The following TRPC4 variants were observed in gnomAD, a reference collection of about 807,000 sequenced individuals.
The protein encoded by TRPC4 is short transient receptor potential channel 4.
Under a neutral mutation model 99.4 loss-of-function variants are expected in TRPC4, and 49 were observed. The ratio of observed to expected loss-of-function variants is 0.49; its 90% CI spans 0.39 to 0.63. TRPC4 has a LOEUF of 0.63. Ranked by LOEUF, TRPC4 falls within the 20% of genes least tolerant of loss-of-function variation. The pLI is 0.00. For synonymous variants in TRPC4, 454 were observed against 425.9 expected (o/e 1.07, Z -0.81); for missense variants, 898 against 1,152.9 (o/e 0.78, Z 3.20).
chr13:37,833,548 G>T (rs1310322833), intron 1 of TRPC4, among the ~76,000 whole-genome samples: 3 of 152,194 alleles, frequency 2.0e-5, no homozygotes, highest in Non-Finnish European at 4.4e-5. Flanking sequence ...CAAAGAGACA[G>T]ACTGTGCTTC....
intron 4 of TRPC4, among the ~76,000 whole-genome samples, 176 bp from the exon 5 acceptor site, chr13:37,674,543 C>A (rs951858808): frequency 6.6e-6 from 1 of 152,194 alleles, no homozygotes; most frequent in African/African-American, 2.4e-5. Flanking sequence ...TTAAGACTTT[C>A]AGATACTAAG....
chr13:37,790,839 G>A (rs1027205382), intron 1 of TRPC4, among the ~76,000 whole-genome samples: 3 of 152,192 alleles, frequency 2.0e-5, no homozygotes, highest in African/African-American at 7.2e-5. Context: ...TGCTTTAGTA[G>A]GAGTTTGTAT....
At chr13:37,844,734 C>A (rs1435795240) in intron 1 of TRPC4, among the ~76,000 whole-genome samples, 1 of 152,116 alleles carries the variant, frequency 6.6e-6, no homozygotes, top group Admixed American at 6.6e-5. Flanking sequence ...TGCCAAAAAC[C>A]AGCAACTGCA....
chr13:37,797,838 A>T (rs1049928872), intron 1 of TRPC4, among the ~76,000 whole-genome samples: 17 of 152,194 alleles, frequency 1.1e-4, no homozygotes, highest in African/African-American at 3.9e-4. Context: ...TTATTTTCCA[A>T]GTTTATGATG....
At chr13:37,683,882 T>G (rs552193780) in intron 4 of TRPC4, among the ~76,000 whole-genome samples, 68 of 152,178 alleles carry the variant, frequency 4.5e-4, no homozygotes, top group African/African-American at 1.5e-3. Context: ...AAAATTTGAG[T>G]TTTAAACTGA....
rs1555265738 is a variant in TRPC4, at chr13:37,745,459, T to TATGC, written c.897+477_897+478insGCAT. On this transcript the variant is annotated intron_variant, in intron 3 of 10. Transcript: ENST00000379705. ...GCGTATATATATATATATATATATA[T>TATGC]ATATATATATATATACACACACACA... Among the ~76,000 whole-genome samples the TATGC allele has an allele frequency of 4.0e-4, 35 of 86,840 alleles. 1 individual carries two copies. The highest frequency in any genetic ancestry group is 2.7e-3 in the African/African-American group (31 of 11,694). 57.0% of individuals were successfully genotyped at this position (86,840 alleles called of 152,430 possible).
chr13:37,657,742 A>G (rs1462413673), intron 6 of TRPC4, among the ~76,000 whole-genome samples: 1 of 152,196 alleles, frequency 6.6e-6, no homozygotes, highest in Non-Finnish European at 1.5e-5. Context: ...CTGTCTACAT[A>G]GTAACTACTA....
rs1399325036 is a variant in TRPC4 at position 37,744,304 on chromosome 13, C to T, written c.897+1633G>A. 2.6e-5 allele frequency among the ~76,000 whole-genome samples: 4 copies of T among 152,266 alleles called. No homozygotes were observed. In the East Asian group the frequency reaches 5.8e-4, roughly 22 times the overall value. On this transcript the variant is annotated intron_variant, in intron 3 of 10. Coordinates refer to ENST00000379705, the MANE Select transcript of TRPC4 (RefSeq NM_016179.4). Reference sequence around the variant, plus strand: ...TTATCTTCCCATTTACCACTTTGAACATCTTTCATCAATGTATCTTATCAT... The same window carrying T: ...TTATCTTCCCATTTACCACTTTGAATATCTTTCATCAATGTATCTTATCAT...
At chr13:37,680,166 G>A (rs987675224) in intron 4 of TRPC4, among the ~76,000 whole-genome samples, 2 of 152,206 alleles carry the variant, frequency 1.3e-5, no homozygotes, top group Non-Finnish European at 2.9e-5. Context: ...GACAGAATGA[G>A]GACTTTGGGA....
intron 3 of TRPC4, among the ~76,000 whole-genome samples, chr13:37,706,447 G>A (rs1282173799): frequency 6.6e-6 from 1 of 152,094 alleles, no homozygotes; most frequent in African/African-American, 2.4e-5. Context: ...GGCTGCCTCA[G>A]TCCAGGTTAG....
At chr13:37,818,257 T>A (rs915565726) in intron 1 of TRPC4, among the ~76,000 whole-genome samples, 16 of 152,056 alleles carry the variant, frequency 1.1e-4, no homozygotes, top group African/African-American at 3.9e-4. Context: ...TGAGATACCA[T>A]CTCACACCAG....
At chr13:37,660,042 A>T (rs9566249) in intron 6 of TRPC4, among the ~76,000 whole-genome samples, 56,673 of 151,996 alleles carry the variant, frequency 0.37, 11,026 homozygotes, top group African/African-American at 0.44. Context: ...ATAAATATGG[A>T]AGTCATGACT....
At chr13:37,715,481 G>A (rs1301437872) in intron 3 of TRPC4, among the ~76,000 whole-genome samples, 1 of 152,148 alleles carries the variant, frequency 6.6e-6, no homozygotes, top group African/African-American at 2.4e-5. Flanking sequence ...TTTTGGGGAA[G>A]AATCAAATGA....
chr13:37,728,188 CAG>C (rs1323332453), intron 3 of TRPC4, among the ~76,000 whole-genome samples: 1 of 147,756 alleles, frequency 6.8e-6, no homozygotes, highest in African/African-American at 2.5e-5. Flanking sequence ...AAGTTCTAGA[CAG>C]AGCAATTATG....
chr13:37,751,881 G>A (rs1000172907), intron 2 of TRPC4, among the ~76,000 whole-genome samples: 1 of 151,244 alleles, frequency 6.6e-6, no homozygotes, highest in Non-Finnish European at 1.5e-5. Context: ...CAACATCATG[G>A]TAGTTATCAT....
chr13:37,769,402 C>G (rs1214051981), intron 2 of TRPC4, among the ~76,000 whole-genome samples: 2 of 151,406 alleles, frequency 1.3e-5, no homozygotes, highest in Non-Finnish European at 3.0e-5. Context: ...TTGGTGAAAA[C>G]ATCCTTCCTA....
At chr13:37,846,993 C>A (rs1177655348) in intron 1 of TRPC4, among the ~76,000 whole-genome samples, 1 of 151,866 alleles carries the variant, frequency 6.6e-6, no homozygotes, top group Non-Finnish European at 1.5e-5. Context: ...GGAATTGATT[C>A]ACCAAGAAGA....
intron 3 of TRPC4, among the ~76,000 whole-genome samples, chr13:37,733,137 G>A (rs73168461): frequency 0.011 from 1,748 of 152,264 alleles, 14 homozygotes; most frequent in Middle Eastern, 0.061. Flanking sequence ...GCCCCGTGTG[G>A]TTGCATGTAC....
At chr13:37,815,557 A>C (rs1445338980) in intron 1 of TRPC4, among the ~76,000 whole-genome samples, 4 of 152,010 alleles carry the variant, frequency 2.6e-5, no homozygotes, top group Non-Finnish European at 5.9e-5. Flanking sequence ...GTATTCAATA[A>C]GAAGACCTAA....
Sources: gnomAD v4.1 joint callset for allele counts (sites outside exome capture counted in the v4.1 genomes callset) on GRCh38, gnomAD v4.1.1 for gene constraint, MANE v1.5 for transcripts, NCBI Gene and HGNC (gene_info 2026-07-23, HGNC 2026-07-21) for gene names.